SMG6: variants seen among roughly 807,000 people sequenced by gnomAD.
SMG6 encodes the protein telomerase-binding protein EST1A.
In SMG6, 66 loss-of-function variants were observed where a neutral mutation model predicts 142.2. The ratio of observed to expected loss-of-function variants is 0.46; its 90% CI spans 0.38 to 0.57. SMG6 has a LOEUF of 0.57. Among genes scored for constraint, SMG6 ranks in the 20% least tolerant of loss-of-function variants. SMG6 has a pLI of 0.00. For missense variants in SMG6, 1,793 were observed against 1,832.0 expected (o/e 0.98, Z 0.39); for synonymous variants, 779 against 702.4 (o/e 1.11, Z -1.72).
intron 13 of SMG6, among the ~76,000 whole-genome samples, chr17:2,128,805 C>CA (rs2069995457): frequency 1.0e-5 from 1 of 99,420 alleles, no homozygotes; most frequent in African/African-American, 4.4e-5. Flanking sequence ...GCCTGGGTGA[C>CA]AGAGCAAGAC....
At chr17:2,281,093 T>C (rs1283948368) in intron 8 of SMG6, among the ~76,000 whole-genome samples, 1 of 152,180 alleles carries the variant, frequency 6.6e-6, no homozygotes, top group African/African-American at 2.4e-5. Flanking sequence ...AGAGTCTCAC[T>C]CATCACTCAG....
At chr17:2,207,009 T>G (rs2072702679) in intron 10 of SMG6, among the ~76,000 whole-genome samples, 1 of 151,098 alleles carries the variant, frequency 6.6e-6, no homozygotes, top group South Asian at 2.1e-4. Context: ...CGGTGGCTCA[T>G]GCCTATAATC....
At position 2,261,150 on chromosome 17, in the gene SMG6, CA is replaced by C. The variant is rs752896452; in HGVS notation, c.2662-16432del. ...TGAAACCCTTTCTCTACTAAAAATACAAAAAAAAAAAAAATTAGCCAGGTGT... is the reference window on the plus strand; with the variant it reads ...TGAAACCCTTTCTCTACTAAAAATACAAAAAAAAAAAAATTAGCCAGGTGT... On this transcript the variant is annotated intron_variant, in intron 8 of 18. Coordinates refer to ENST00000263073, the MANE Select transcript of SMG6 (RefSeq NM_017575.5). Among the ~76,000 whole-genome samples, 1,161 of 136,544 alleles carry C rather than the reference CA, an allele frequency of 8.5e-3. 5 individuals carry two copies. Among genetic ancestry groups the C allele is most frequent in the African/African-American group, 0.017 (639 of 37,310 alleles). The allele number at this position is 136,544 out of a possible 152,430, so 89.6% of individuals were successfully genotyped here.
At chr17:2,243,260 A>G (rs1360458222) in intron 9 of SMG6, among the ~76,000 whole-genome samples, 2 of 152,228 alleles carry the variant, frequency 1.3e-5, no homozygotes, top group African/African-American at 4.8e-5. Context: ...TGAATATGTA[A>G]TAAGCACACT....
chr17:2,284,714 G>A (rs1037985286), intron 6 of SMG6, among the ~76,000 whole-genome samples: 2 of 152,132 alleles, frequency 1.3e-5, no homozygotes, highest in East Asian at 3.8e-4. Flanking sequence ...GTCTGAATTC[G>A]GTCTTGCATT....
intron 10 of SMG6, among the ~76,000 whole-genome samples, chr17:2,216,778 G>C (rs1014494126): frequency 6.6e-6 from 1 of 152,118 alleles, no homozygotes; most frequent in African/African-American, 2.4e-5. Context: ...CTAGTTGAGG[G>C]ATTTATGCAT....
At chr17:2,079,450 T>C (rs1206844678) in intron 15 of SMG6, among the ~76,000 whole-genome samples, 2 of 147,454 alleles carry the variant, frequency 1.4e-5, no homozygotes, top group African/African-American at 5.0e-5. Flanking sequence ...CTGGCTAACA[T>C]GGTGAAACCT....
chr17:2,296,474 G>A (rs2075145034), intron 4 of SMG6, among the ~76,000 whole-genome samples: 3 of 152,134 alleles, frequency 2.0e-5, no homozygotes, highest in African/African-American at 7.2e-5. Flanking sequence ...CCAGGCCGCG[G>A]ACTGGTACCA....
intron 10 of SMG6, among the ~76,000 whole-genome samples, chr17:2,198,111 A>T (rs2072388462): frequency 6.6e-6 from 1 of 152,212 alleles, no homozygotes; most frequent in African/African-American, 2.4e-5. Context: ...TGGTTAAACA[A>T]CTGTGGAATA....
At chr17:2,269,890 A>G (rs4790071) in intron 8 of SMG6, among the ~76,000 whole-genome samples, 64,519 of 152,056 alleles carry the variant, frequency 0.42, 14,899 homozygotes, top group African/African-American at 0.61. Context: ...CAGGCCAGGC[A>G]TGGTGGCTCA....
intron 10 of SMG6, chr17:2,236,211 C>T (rs1597673311): frequency 2.8e-5 from 7 of 245,766 alleles, no homozygotes; most frequent in Non-Finnish European, 5.5e-5. Context: ...GGCCTTGCTG[C>T]TGCCTTTCGC....
At chr17:2,230,049 G>A (rs1426819556) in intron 10 of SMG6, among the ~76,000 whole-genome samples, 1 of 150,868 alleles carries the variant, frequency 6.6e-6, no homozygotes, top group East Asian at 1.9e-4. Context: ...AGCCGGGTGT[G>A]GTGGCCTGTG....
chr17:2,288,052 G>A (rs1475319076), intron 6 of SMG6, among the ~76,000 whole-genome samples: 2 of 152,094 alleles, frequency 1.3e-5, no homozygotes, highest in East Asian at 3.9e-4. Context: ...GGTGGCTCAC[G>A]CCTGTAATCC....
intron 13 of SMG6, among the ~76,000 whole-genome samples, chr17:2,121,530 T>C (rs1375222853): frequency 7.0e-6 from 1 of 142,740 alleles, no homozygotes; most frequent in African/African-American, 2.7e-5. Flanking sequence ...ATAATATAAT[T>C]ATATGATTAT....
At chr17:2,157,504 CA>C (rs1486992665) in intron 13 of SMG6, among the ~76,000 whole-genome samples, 2 of 152,148 alleles carry the variant, frequency 1.3e-5, no homozygotes, top group African/African-American at 2.4e-5. Context: ...ACCCCTATCA[CA>C]AAGGTAAGTG....
At chr17:2,111,093 C>G (rs1339378502) in intron 13 of SMG6, among the ~76,000 whole-genome samples, 1 of 152,160 alleles carries the variant, frequency 6.6e-6, no homozygotes, top group African/African-American at 2.4e-5. Context: ...ATGTATTCTA[C>G]TGAAATTCAA....
At chr17:2,184,657 CAAAAAAAAA>C (rs150364302) in intron 12 of SMG6, among the ~76,000 whole-genome samples, 1 of 52,796 alleles carries the variant, frequency 1.9e-5, no homozygotes, top group Admixed American at 2.4e-4. Flanking sequence ...AACTCCGTCT[CAAAAAAAAA>C]AAAAAAAAAA....
At position 2,136,374 on chromosome 17, in the gene SMG6, A is replaced by T. The variant is rs1320751537; in HGVS notation, c.3357+36284T>A. On this transcript the variant is annotated intron_variant, in intron 13 of 18. Coordinates refer to ENST00000263073, the MANE Select transcript of SMG6 (RefSeq NM_017575.5). Reference sequence around the variant, plus strand: ...TTTAAGTAGACAAATGTGGCTAGTGACTGTTATCAGTCAACCACACAGTGA... The same window carrying T: ...TTTAAGTAGACAAATGTGGCTAGTGTCTGTTATCAGTCAACCACACAGTGA... 2.0e-5 allele frequency among the ~76,000 whole-genome samples: 3 copies of T among 152,172 alleles called. No individual in the cohort carries two copies. In the East Asian group the frequency reaches 5.8e-4, roughly 29 times the overall value.
intron 12 of SMG6, among the ~76,000 whole-genome samples, chr17:2,174,481 C>A (rs1008408681): frequency 1.3e-5 from 2 of 152,242 alleles, no homozygotes; most frequent in Non-Finnish European, 2.9e-5. Context: ...GGTTTATTTA[C>A]TGTAATCATT....
Sources: gnomAD v4.1 joint callset for allele counts (sites outside exome capture counted in the v4.1 genomes callset) on GRCh38, gnomAD v4.1.1 for gene constraint, MANE v1.5 for transcripts, NCBI Gene and HGNC (gene_info 2026-07-23, HGNC 2026-07-21) for gene names.